Variants in GMDS observed in about 807,000 individuals in gnomAD.
The protein encoded by GMDS is GDP-mannose 4,6-dehydratase, also known as GDP-mannose 4,6 dehydratase.
In GMDS, 20 loss-of-function variants were observed where a neutral mutation model predicts 49.9. The ratio of observed to expected loss-of-function variants is 0.40; its 90% confidence interval spans 0.28 to 0.58. The LOEUF is 0.58. GMDS is among the 20% of genes least tolerant of loss of function. The probability of loss-of-function intolerance (pLI) is 0.42; values close to 1 mark genes in which losing one functional copy is unlikely to be tolerated. For synonymous variants in GMDS, 177 were observed against 178.6 expected, an observed-to-expected ratio of 0.99 and a Z score of 0.07; for missense variants, 362 against 481.4, an observed-to-expected ratio of 0.75 and a Z score of 2.32.
chr6:1,789,532 CTTTTTTT>C (rs59996305), intron 7 of GMDS, among the ~76,000 whole-genome samples: 139 of 141,352 alleles, frequency 9.8e-4, no homozygotes, highest in East Asian at 2.7e-3. Flanking sequence ...TTTCTTTTTT[CTTTTTTT>C]TTTTTTTTTT....
chr6:2,084,631 C>G (rs1049941153), intron 4 of GMDS, among the ~76,000 whole-genome samples: 2 of 152,090 alleles, frequency 1.3e-5, no homozygotes, highest in East Asian at 1.9e-4. Context: ...CTCAGCCTCC[C>G]GTGTAGCTGG....
chr6:1,976,848 TATTTA>T, intron 4 of GMDS, among the ~76,000 whole-genome samples: 1 of 152,294 alleles, frequency 6.6e-6, no homozygotes, highest in East Asian at 1.9e-4. Flanking sequence ...TGCAATACAG[TATTTA>T]GATTTTATGG....
At chr6:2,231,466 A>G (rs1430680885) in intron 1 of GMDS, among the ~76,000 whole-genome samples, 1 of 152,146 alleles carries the variant, frequency 6.6e-6, no homozygotes, top group African/African-American at 2.4e-5. Context: ...CAGGGGGCTG[A>G]GGTGGGAGGA....
At chr6:1,658,393 CCACCGA>C (rs1398433715) in intron 9 of GMDS, among the ~76,000 whole-genome samples, 3 of 152,248 alleles carry the variant, frequency 2.0e-5, no homozygotes. Context: ...GAGTATCATC[CCACCGA>C]CTGCTGGCAT....
At chr6:1,807,375 G>T (rs1770222935) in intron 7 of GMDS, among the ~76,000 whole-genome samples, 1 of 152,158 alleles carries the variant, frequency 6.6e-6, no homozygotes, top group Non-Finnish European at 1.5e-5. Context: ...AAAATTCAAA[G>T]AACATATTAG....
chr6:2,243,840 C>CTTTTTTTTT (rs1781725608), intron 1 of GMDS, among the ~76,000 whole-genome samples: 2 of 127,128 alleles, frequency 1.6e-5, no homozygotes, highest in African/African-American at 6.9e-5. Flanking sequence ...TCAACTTCTC[C>CTTTTTTTTT]TTCTTTTTTT....
intron 8 of GMDS, among the ~76,000 whole-genome samples, chr6:1,741,923 CT>C (rs1561772811): frequency 1.9e-5 from 2 of 104,338 alleles, no homozygotes; most frequent in Non-Finnish European, 3.6e-5. Flanking sequence ...GTAAAAACAT[CT>C]TTCTTTTTTT....
chr6:2,199,400 T>A (rs12528102), intron 1 of GMDS, among the ~76,000 whole-genome samples: 1 of 152,050 alleles, frequency 6.6e-6, no homozygotes, highest in Non-Finnish European at 1.5e-5. Context: ...TGTCATTCCA[T>A]TGGCTTCCCA....
intron 7 of GMDS, among the ~76,000 whole-genome samples, chr6:1,887,240 T>C (rs747137497): frequency 2.0e-5 from 3 of 151,482 alleles, no homozygotes; most frequent in Non-Finnish European, 2.9e-5. Flanking sequence ...CAACGCATAC[T>C]TGGAGAGGTT....
At chr6:1,999,509 G>A (rs766675542) in intron 4 of GMDS, among the ~76,000 whole-genome samples, 5 of 151,850 alleles carry the variant, frequency 3.3e-5, no homozygotes, top group African/African-American at 4.8e-5. Flanking sequence ...TCCTTGGCAA[G>A]GATACAGTGG....
intron 1 of GMDS, among the ~76,000 whole-genome samples, chr6:2,223,262 C>T (rs1268558034): frequency 1.3e-5 from 2 of 152,014 alleles, no homozygotes; most frequent in African/African-American, 2.4e-5. Context: ...ACTATCCGTA[C>T]AAAATGGCTG....
chr6:1,683,184 T>C (rs963979590), intron 9 of GMDS, among the ~76,000 whole-genome samples: 12 of 152,088 alleles, frequency 7.9e-5, no homozygotes, highest in African/African-American at 1.7e-4. Context: ...AGTGCAGTGG[T>C]GCAATCTCGG....
At chr6:1,797,549 G>C (rs1769789605) in intron 7 of GMDS, among the ~76,000 whole-genome samples, 1 of 152,202 alleles carries the variant, frequency 6.6e-6, no homozygotes, top group South Asian at 2.1e-4. Context: ...CATCATCAGA[G>C]TTACTAACAT....
At chr6:1,636,101 G>A (rs1763139800) in intron 9 of GMDS, among the ~76,000 whole-genome samples, 3 of 152,222 alleles carry the variant, frequency 2.0e-5, no homozygotes, top group Admixed American at 1.3e-4. Context: ...CGTGCCACGA[G>A]GAATCTGTTC....
chr6:2,034,950 G>A (rs1340173093), intron 4 of GMDS, among the ~76,000 whole-genome samples: 1 of 152,112 alleles, frequency 6.6e-6, no homozygotes, highest in Non-Finnish European at 1.5e-5. Context: ...GCCTGAGGAT[G>A]GTTGGGGGGA....
chr6:1,975,046 A>AC (rs1044069355), intron 4 of GMDS, among the ~76,000 whole-genome samples: 11 of 150,852 alleles, frequency 7.3e-5, no homozygotes, highest in African/African-American at 2.4e-4. Flanking sequence ...TCAAAAAAAA[A>AC]ACAAAACAAA....
chr6:2,065,551 TAAACC>T (rs948052474), intron 4 of GMDS, among the ~76,000 whole-genome samples: 96 of 152,096 alleles, frequency 6.3e-4, no homozygotes, highest in African/African-American at 2.3e-3. Context: ...ATAACTAGAA[TAAACC>T]AATACAGAGA....
Position 1,740,284 on chromosome 6 carries a change from C to T in GMDS, c.890+2184G>A, listed in dbSNP as rs146015245. ...TTAATTAAAATTTTTGGGCCAGGTG[C>T]GGTGGCTCATGCCTGTAATCCCAGC... On this transcript the variant is annotated intron_variant, in intron 8 of 10. Coordinates refer to ENST00000380815, the MANE Select transcript of GMDS (RefSeq NM_001500.4). Among the ~76,000 whole-genome samples the T allele has an allele frequency of 3.9e-5, 6 of 152,204 alleles. No individual in the cohort carries two copies. In the East Asian group the frequency reaches 7.7e-4, roughly 20 times the overall value.
intron 4 of GMDS, among the ~76,000 whole-genome samples, chr6:2,064,020 G>A (rs1444046402): frequency 6.6e-6 from 1 of 152,126 alleles, no homozygotes; most frequent in East Asian, 1.9e-4. Context: ...TATCTAAATA[G>A]GTGATCTACA....
Sources: gnomAD v4.1 joint callset for allele counts (sites outside exome capture counted in the v4.1 genomes callset) on GRCh38, gnomAD v4.1.1 for gene constraint, MANE v1.5 for transcripts, NCBI Gene and HGNC (gene_info 2026-07-23, HGNC 2026-07-21) for gene names.